NDUFV3: variants seen among roughly 807,000 people sequenced by gnomAD.
NDUFV3 encodes NADH:ubiquinone oxidoreductase subunit V3, also known as NADH dehydrogenase [ubiquinone] flavoprotein 3, mitochondrial.
Under a neutral mutation model 37.5 loss-of-function variants are expected in NDUFV3, and 44 were observed. The observed-to-expected ratio is 1.17, with a 90% confidence interval of 0.92 to 1.51. NDUFV3 has a LOEUF of 1.51. NDUFV3 is among the 40% of genes most tolerant of loss of function. The pLI is 0.00. For synonymous variants in NDUFV3, 235 were observed against 239.3 expected (o/e 0.98, Z 0.17); for missense variants, 580 against 580.4 (o/e 1.00, Z 0.01).
At position 42,909,438 on chromosome 21, in the gene NDUFV3, G is replaced by A. The variant is rs1046823582; in HGVS notation, c.*417G>A. The A allele has an allele frequency of 1.9e-5, 5 of 256,530 alleles. No homozygotes were observed. Among genetic ancestry groups the A allele is most frequent in the African/African-American group, 9.0e-5 (4 of 44,546 alleles). The allele number at this position is 256,530 out of a possible 1,614,324, so 15.9% of individuals were successfully genotyped here. Reference sequence around the variant, plus strand: ...ATTACAGGCGTGAGCCACTGCGCCCGGCCACTTTCACACTTTTTACAGTGA... The same window carrying A: ...ATTACAGGCGTGAGCCACTGCGCCCAGCCACTTTCACACTTTTTACAGTGA... On this transcript the variant is annotated 3_prime_UTR_variant, in exon 4 of 4. Transcript: ENST00000354250.
Position 42,896,891 on chromosome 21 carries a change from A to T in NDUFV3, c.49-36A>T, listed in dbSNP as rs1190049073. On this transcript the variant is annotated intron_variant, in intron 1 of 3. Transcript: ENST00000354250. ...TAGTACCAGCTATTATAATGGCATTACTCTAAACATCCATATTCATTAATT... is the reference window on the plus strand; with the variant it reads ...TAGTACCAGCTATTATAATGGCATTTCTCTAAACATCCATATTCATTAATT... The T allele has an allele frequency of 8.8e-6, 14 of 1,595,618 alleles. No individual in the cohort carries two copies. The East Asian group carries it at 2.2e-4, about 26-fold the overall frequency.
At chr21:42,898,867 CTG>C (rs1376647307) in intron 2 of NDUFV3, among the ~76,000 whole-genome samples, 3 of 152,324 alleles carry the variant, frequency 2.0e-5, no homozygotes, top group Middle Eastern at 3.4e-3. Flanking sequence ...GAATTTTAGT[CTG>C]TGTCTGCAAT....
At chr21:42,899,620 T>C (rs368863612) in intron 2 of NDUFV3, among the ~76,000 whole-genome samples, 2 of 152,182 alleles carry the variant, frequency 1.3e-5, no homozygotes, top group African/African-American at 2.4e-5. Flanking sequence ...AATTTTTCTG[T>C]TTTTAGTAGA....
intron 2 of NDUFV3, among the ~76,000 whole-genome samples, chr21:42,902,653 G>T (rs888135294): frequency 6.6e-6 from 1 of 152,148 alleles, no homozygotes; most frequent in Non-Finnish European, 1.5e-5. Context: ...TGAGAGAAGA[G>T]AAACAGTCTC....
At chr21:42,899,089 G>C (rs1009357164) in intron 2 of NDUFV3, among the ~76,000 whole-genome samples, 1 of 152,138 alleles carries the variant, frequency 6.6e-6, no homozygotes, top group Non-Finnish European at 1.5e-5. Flanking sequence ...TGTCCTTGAC[G>C]GGCCCTGCAG....
intron 3 of NDUFV3, chr21:42,906,841 T>C (rs901474719): frequency 3.9e-6 from 2 of 518,238 alleles, no homozygotes; most frequent in African/African-American, 3.9e-5. Context: ...GCTTTGAAGG[T>C]GTCCCTACAC....
At chr21:42,897,726 G>T (rs561446711) in intron 2 of NDUFV3, among the ~76,000 whole-genome samples, 18 of 151,048 alleles carry the variant, frequency 1.2e-4, no homozygotes, top group African/African-American at 4.4e-4. Context: ...GCCCCTGCTG[G>T]AGTGCAGTGG....
chr21:42,894,558 T>TCATA (rs1199985051), intron 1 of NDUFV3, among the ~76,000 whole-genome samples: 68 of 63,302 alleles, frequency 1.1e-3, no homozygotes, highest in Non-Finnish European at 1.5e-3. Flanking sequence ...ATAATATATA[T>TCATA]ATATTTTTTT....
chr21:42,912,822 G>A lies in NDUFV3; in HGVS notation c.*3801G>A, dbSNP rs1337097572. ...CAGGAGAATGGCGTGAACCCAGGAG[G>A]CGGAGCTTGCAGTGAACCGAGATAG... On this transcript the variant is annotated 3_prime_UTR_variant, in exon 4 of 4. Transcript: ENST00000354250. 6.6e-6 allele frequency: 1 copy of A among 151,910 alleles called. No individual in the cohort carries two copies. Among genetic ancestry groups the A allele is most frequent in the African/African-American group, 2.4e-5 (1 of 41,296 alleles). 9.4% of individuals were successfully genotyped at this position (151,910 alleles called of 1,614,324 possible).
rs1453331352 is a variant in NDUFV3, at chr21:42,903,893, A to G, written c.881A>G (p.His294Arg). The change falls in exon 3 of 4, where the codon CAC becomes CGC. Residue 294 changes from histidine to arginine, a missense_variant. Physicochemically the swap from His to Arg is conservative, Grantham distance 29. Transcript: ENST00000354250. ...GAAGTTAAAGGACCCTTACCTGTCC[A>G]CACAAAATCAGGGTTGTCTGCGCCA... ...PFEVKGPLPV[H>R]TKSGLSAPPK... 1.2e-6 allele frequency: 2 copies of G among 1,611,804 alleles called. No individual in the cohort carries two copies. Among genetic ancestry groups the G allele is most frequent in the Non-Finnish European group, 1.7e-6 (2 of 1,179,114 alleles).
chr21:42,903,937 C>T lies in NDUFV3; in HGVS notation c.925C>T (p.Pro309Ser), dbSNP rs199783708. ...TGCGCCACCGAAGGGCAGCCCAGCG[C>T]CTGCTGTGTTGGCAGAAGAGGCCAG... The part of the protein sequence containing the change: ...LSAPPKGSPA[P>S]AVLAEEARAE... Residue 309 changes from proline to serine, a missense_variant, in exon 3 of 4, where the codon CCT (proline) becomes TCT (serine). Transcript: ENST00000354250. 3.3e-5 allele frequency: 54 copies of T among 1,613,100 alleles called. No homozygotes were observed. The highest frequency in any genetic ancestry group is 3.9e-5 in the Non-Finnish European group (46 of 1,179,406).
chr21:42,904,092 A>G lies in NDUFV3; in HGVS notation c.1080A>G (p.Ile360Met). The change falls in exon 3 of 4, where the codon ATA (isoleucine) becomes ATG (methionine). Residue 360 changes from isoleucine to methionine, a missense_variant. By Grantham distance (10) the Ile-to-Met change is conservative (BLOSUM62 1). Coordinates refer to ENST00000354250, the MANE Select transcript of NDUFV3 (RefSeq NM_021075.4). ...AGGAAACCTCAGGGACGCAGGGAAT[A>G]GAAGGCCACCTGAAGGGTGGACAGG... Reference protein sequence around the residue: ...PRKETSGTQGIEGHLKGGQAI... With the variant: ...PRKETSGTQGMEGHLKGGQAI... 1 of 1,614,214 alleles carries G rather than the reference A, an allele frequency of 6.2e-7. No individual in the cohort carries two copies. The highest frequency in any genetic ancestry group is 8.5e-7 in the Non-Finnish European group (1 of 1,180,026).
At chr21:42,896,833 C>T in intron 1 of NDUFV3, 94 bp from the exon 2 acceptor site, 1 of 1,320,324 alleles carries the variant, frequency 7.6e-7, no homozygotes, top group Admixed American at 2.0e-5. Context: ...AGAGAGACCC[C>T]TGACTCAAAA....
chr21:42,894,538 AATATAAT>A (rs893662360), intron 1 of NDUFV3, among the ~76,000 whole-genome samples: 10 of 84,444 alleles, frequency 1.2e-4, no homozygotes, highest in East Asian at 4.7e-4. Flanking sequence ...TATATATCAT[AATATAAT>A]ATATAATATA....
chr21:42,897,271 T>G (rs2839601), intron 2 of NDUFV3, among the ~76,000 whole-genome samples: 1 of 152,078 alleles, frequency 6.6e-6, no homozygotes, highest in African/African-American at 2.4e-5. Context: ...AAATGGTTTT[T>G]CCTGTATTTT....
At position 42,904,070 on chromosome 21, in the gene NDUFV3, A is replaced by C; in HGVS notation, c.1058A>C (p.Glu353Ala). The change falls in exon 3 of 4, where the codon GAA becomes GCA. Residue 353 changes from glutamate to alanine, a missense_variant. By Grantham distance (107) the Glu-to-Ala change is moderately radical. Transcript: ENST00000354250. ...GCGGCCCCTCCCCTGCCCAGAAAGG[A>C]AACCTCAGGGACGCAGGGAATAGAA... ...RKAAPPLPRK[E>A]TSGTQGIEGH... is the part of the protein sequence containing the mutation. 6.2e-7 allele frequency: 1 copy of C among 1,614,230 alleles called. No individual in the cohort carries two copies. The highest frequency in any genetic ancestry group is 8.5e-7 in the Non-Finnish European group (1 of 1,180,040).
intron 3 of NDUFV3, among the ~76,000 whole-genome samples, chr21:42,906,452 C>T (rs1466659553): frequency 1.3e-5 from 2 of 152,152 alleles, no homozygotes; most frequent in East Asian, 1.9e-4. Flanking sequence ...TTGATCAGTA[C>T]GCCAAGTGCC....
chr21:42,908,105 G>A (rs759553084), intron 3 of NDUFV3, among the ~76,000 whole-genome samples: 5 of 151,716 alleles, frequency 3.3e-5, no homozygotes, highest in African/African-American at 7.3e-5. Flanking sequence ...TCAGGAAATC[G>A]AAACCACCCT....
At position 42,903,376 on chromosome 21, in the gene NDUFV3, G is replaced by A; in HGVS notation, c.364G>A (p.Val122Ile). ...GAAATTTTTGTCAAGAAAGACTTTG[G>A]TAGAGTTTCCACAGAAAGTTCTGTC... is the stretch of plus-strand genomic sequence containing the variant. ...VPKFLSRKTL[V>I]EFPQKVLSPF... Residue 122 changes from valine to isoleucine, a missense_variant, in exon 3 of 4, where the codon GTA becomes ATA. Coordinates refer to ENST00000354250, the MANE Select transcript of NDUFV3 (RefSeq NM_021075.4). 6 of 1,614,134 alleles carry A rather than the reference G, an allele frequency of 3.7e-6. No individual in the cohort carries two copies. The highest frequency in any genetic ancestry group is 5.1e-6 in the Non-Finnish European group (6 of 1,179,980).
Sources: allele counts gnomAD v4.1 joint callset (sites outside exome capture counted in the v4.1 genomes callset), GRCh38; gene constraint gnomAD v4.1.1; transcripts MANE v1.5; gene names NCBI Gene and HGNC (gene_info 2026-07-23, HGNC 2026-07-21).